Variants in GPATCH1 observed in about 807,000 individuals in gnomAD.
The protein encoded by GPATCH1 is G patch domain-containing protein 1.
GPATCH1 carries 73 observed loss-of-function variants against 114.9 expected under a neutral mutation model. That is an observed-to-expected ratio of 0.64 (90% confidence interval 0.53 to 0.77). GPATCH1 has a LOEUF of 0.77. GPATCH1 is among the 30% of genes least tolerant of loss of function. The probability of loss-of-function intolerance (pLI) is 0.00; values close to 1 mark genes in which losing one functional copy is unlikely to be tolerated. For synonymous variants in GPATCH1, 391 were observed against 428.4 expected (o/e 0.91, Z 1.08); for missense variants, 1,058 against 1,144.3 (o/e 0.92, Z 1.09).
At chr19:33,097,979 A>AGAGGCT in intron 8 of GPATCH1, 77 bp downstream of exon 8, 1 of 1,300,716 alleles carries the variant, frequency 7.7e-7, no homozygotes, top group Non-Finnish European at 1.1e-6. Context: ...AGAGCGATAC[A>AGAGGCT]GGAGCACCAG....
rs200613078 is a variant in GPATCH1 at position 33,109,991 on chromosome 19, A to G, written c.1560A>G (p.Leu520=). 3 of 1,611,536 alleles carry G rather than the reference A, an allele frequency of 1.9e-6. No homozygotes were observed. Among genetic ancestry groups the G allele is most frequent in the Non-Finnish European group, 2.5e-6 (3 of 1,178,528 alleles). Residue 520 remains leucine (L), a synonymous_variant, in exon 11 of 20, where the codon TTA becomes TTG. Transcript: ENST00000170564. ...PEKQKRYDEF[L]VHMKQGQKDA... ...AGCAAAAGCGATACGACGAGTTCTT[A>G]GTACACATGAAACAGGGTCAGAAAG...
intron 17 of GPATCH1, among the ~76,000 whole-genome samples, chr19:33,122,479 C>CA (rs1040950050): frequency 2.2e-4 from 33 of 152,160 alleles, no homozygotes; most frequent in African/African-American, 7.2e-4. Flanking sequence ...TGCCTGCCAC[C>CA]ACGCCTGCCT....
At position 33,092,680 on chromosome 19, in the gene GPATCH1, GACTCTAGGCCTGGC is replaced by G. The variant is rs377243283; in HGVS notation, c.295-674_295-661del. On this transcript the variant is annotated intron_variant, in intron 3 of 19. Transcript: ENST00000170564. ...TGCTCCAGTAAAGGCAAAGGCACCTGACTCTAGGCCTGGCACTCACACTTGTGAATGCTTGCTGG... is the reference window on the plus strand; with the variant it reads ...TGCTCCAGTAAAGGCAAAGGCACCTGACTCACACTTGTGAATGCTTGCTGG... Among the ~76,000 whole-genome samples the G allele has an allele frequency of 2.6e-5, 4 of 152,336 alleles. No homozygotes were observed. The East Asian group carries it at 5.8e-4, about 22-fold the overall frequency.
chr19:33,111,668 G>GT, intron 11 of GPATCH1, 56 bp from the exon 12 acceptor site: 1 of 1,524,918 alleles, frequency 6.6e-7, no homozygotes, highest in South Asian at 1.2e-5. Flanking sequence ...ATGTTCTCTT[G>GT]TAAGCCCCAT....
chr19:33,104,995 A>G (rs189928849), intron 9 of GPATCH1, among the ~76,000 whole-genome samples: 107 of 152,272 alleles, frequency 7.0e-4, no homozygotes, highest in African/African-American at 2.4e-3. Context: ...CAGTGTTAAA[A>G]ATCCCCAAAT....
At chr19:33,109,375 A>G (rs1419170914) in intron 10 of GPATCH1, among the ~76,000 whole-genome samples, 1 of 151,646 alleles carries the variant, frequency 6.6e-6, no homozygotes, top group African/African-American at 2.4e-5. Flanking sequence ...AAAATTAGCC[A>G]GGCATTGTGG....
At chr19:33,091,331 G>A (rs1599851625) in intron 3 of GPATCH1, among the ~76,000 whole-genome samples, 1 of 148,028 alleles carries the variant, frequency 6.8e-6, no homozygotes, top group Non-Finnish European at 1.5e-5. Context: ...GGAGAATGGC[G>A]TGAACCCAGG....
At chr19:33,087,312 C>T (rs750305751) in intron 1 of GPATCH1, among the ~76,000 whole-genome samples, 17 of 152,018 alleles carry the variant, frequency 1.1e-4, no homozygotes, top group South Asian at 6.2e-4. Context: ...GTTGATAAAA[C>T]GAGGCAGTAA....
Position 33,117,835 on chromosome 19 carries a change from A to C in GPATCH1, c.2207A>C (p.Lys736Thr). 1 of 1,612,166 alleles carries C rather than the reference A, an allele frequency of 6.2e-7. No homozygotes were observed. Among genetic ancestry groups the C allele is most frequent in the Non-Finnish European group, 8.5e-7 (1 of 1,178,754 alleles). ...PELSANQTVN[K>T]DVDAQAEGEG... ...TCACTGTCAATACAGACCGTCAACA[A>C]AGATGTGGACGCACAGGCTGAAGGA... The change falls in exon 16 of 20, where the codon AAA becomes ACA. Residue 736 changes from lysine (K) to threonine (T), a missense_variant. Physicochemically the swap from Lys to Thr is moderately conservative, Grantham distance 78. Coordinates refer to ENST00000170564, the MANE Select transcript of GPATCH1 (RefSeq NM_018025.3).
chr19:33,119,023 A>G lies in GPATCH1; in HGVS notation c.2427A>G (p.Ala809=). The change falls in exon 17 of 20, where the codon GCA becomes GCG. Residue 809 remains alanine, a synonymous_variant. Transcript: ENST00000170564. ...TSSVAHALVP[A]PQEPPPSFPI... ...GCTGTTTTTCAGCTCTTGTGCCAGC[A>G]CCCCAGGAGCCGCCACCTTCCTTCC... is the stretch of plus-strand genomic sequence containing the variant. The G allele has an allele frequency of 6.2e-7, 1 of 1,609,764 alleles. No individual in the cohort carries two copies. Among genetic ancestry groups the G allele is most frequent in the Non-Finnish European group, 8.5e-7 (1 of 1,177,584 alleles).
intron 8 of GPATCH1, among the ~76,000 whole-genome samples, chr19:33,101,004 C>T (rs1972720066): frequency 6.6e-6 from 1 of 152,148 alleles, no homozygotes; most frequent in South Asian, 2.1e-4. Context: ...TTAAAGATTA[C>T]AGGCTGACCT....
intron 7 of GPATCH1, 136 bp from the exon 8 acceptor site, chr19:33,097,619 C>A: frequency 1.3e-6 from 1 of 764,872 alleles, no homozygotes; most frequent in East Asian, 2.5e-5. Context: ...CGATCTGGGA[C>A]CCCCGTTCAC....
At position 33,090,838 on chromosome 19, in the gene GPATCH1, TG is replaced by T. The variant is rs1384591448; in HGVS notation, c.269del (p.Gly90ValfsTer16). 1 of 1,613,126 alleles carries T rather than the reference TG, an allele frequency of 6.2e-7. No individual in the cohort carries two copies. The highest frequency in any genetic ancestry group is 8.5e-7 in the Non-Finnish European group (1 of 1,179,132). ...RQNRADKSVLGPEDFMDEEDL... is the reference protein window; with the variant it reads ...RQNRADKSVLXPEDFMDEEDL... Reference sequence around the variant, plus strand: ...AGAACAGAGCAGACAAATCTGTTCTTGGTCCTGAAGATTTTATGGATGAAGA... The same window carrying T: ...AGAACAGAGCAGACAAATCTGTTCTTGTCCTGAAGATTTTATGGATGAAGA... On this transcript the variant is annotated frameshift_variant, in exon 3 of 20. Coordinates refer to ENST00000170564, the MANE Select transcript of GPATCH1 (RefSeq NM_018025.3). LOFTEE classifies it high-confidence loss of function.
At chr19:33,097,684 T>G in intron 7 of GPATCH1, 71 bp from the exon 8 acceptor site, 1 of 1,374,672 alleles carries the variant, frequency 7.3e-7, no homozygotes, top group Non-Finnish European at 1.0e-6. Flanking sequence ...ATCCTTAAAG[T>G]AGCTTTATCC....
At chr19:33,114,458 G>C (rs1473250698) in intron 15 of GPATCH1, 39 bp downstream of exon 15, 11 of 1,498,462 alleles carry the variant, frequency 7.3e-6, no homozygotes, top group Non-Finnish European at 9.9e-6. Flanking sequence ...CACGCTGAGT[G>C]TGGCCCTTGC....
At chr19:33,095,918 A>G (rs1207946035) in intron 6 of GPATCH1, 98 bp downstream of exon 6, 4 of 894,608 alleles carry the variant, frequency 4.5e-6, no homozygotes, top group African/African-American at 1.6e-5. Context: ...AATCAGATCC[A>G]ATAACTATAC....
At chr19:33,112,385 T>G in intron 12 of GPATCH1, 101 bp from the exon 13 acceptor site, 1 of 1,388,548 alleles carries the variant, frequency 7.2e-7, no homozygotes, top group East Asian at 2.3e-5. Flanking sequence ...AGCACAAACT[T>G]TTTTCACAGT....
At position 33,106,892 on chromosome 19, in the gene GPATCH1, T is replaced by C; in HGVS notation, c.1278T>C (p.Pro426=). ...SKRAELLGET[P]IQGSATSVLE... is the part of the protein sequence containing the mutation. Reference sequence around the variant, plus strand: ...GGGCTGAGTTGCTTGGAGAGACGCCTATTCAAGGTATGTGCCATGGAGAAG... The same window carrying C: ...GGGCTGAGTTGCTTGGAGAGACGCCCATTCAAGGTATGTGCCATGGAGAAG... The change falls in exon 10 of 20, where the codon CCT becomes CCC. Residue 426 remains proline, a synonymous_variant. Coordinates refer to ENST00000170564, the MANE Select transcript of GPATCH1 (RefSeq NM_018025.3). The C allele has an allele frequency of 6.2e-7, 1 of 1,610,220 alleles. No homozygotes were observed. Among genetic ancestry groups the C allele is most frequent in the East Asian group, 2.2e-5 (1 of 44,846 alleles).
At chr19:33,083,174 G>A (rs955647039) in intron 1 of GPATCH1, among the ~76,000 whole-genome samples, 1 of 147,040 alleles carries the variant, frequency 6.8e-6, no homozygotes, top group Non-Finnish European at 1.5e-5. Flanking sequence ...AGACTGGGAG[G>A]CAGAGCTTGC....
Sources: gnomAD v4.1 joint callset for allele counts (sites outside exome capture counted in the v4.1 genomes callset) on GRCh38, gnomAD v4.1.1 for gene constraint, MANE v1.5 for transcripts, NCBI Gene and HGNC (gene_info 2026-07-23, HGNC 2026-07-21) for gene names.